MPP7: variants seen among roughly 807,000 people sequenced by gnomAD.
MPP7 encodes MAGUK p55 scaffold protein 7, also known as MAGUK p55 subfamily member 7.
MPP7 carries 60 observed loss-of-function variants against 76.5 expected under a neutral mutation model. The ratio of observed to expected loss-of-function variants is 0.78; its 90% CI spans 0.64 to 0.97. MPP7 has a LOEUF of 0.97. Ranked by LOEUF, MPP7 falls within the 50% of genes least tolerant of loss-of-function variation. The pLI is 0.00. For synonymous variants in MPP7, 237 were observed against 244.5 expected (o/e 0.97, Z 0.29); for missense variants, 641 against 694.0 (o/e 0.92, Z 0.86).
At chr10:28,110,148 T>A (rs1190722417) in intron 11 of MPP7, among the ~76,000 whole-genome samples, 2 of 151,578 alleles carry the variant, frequency 1.3e-5, no homozygotes, top group Non-Finnish European at 2.9e-5. Flanking sequence ...TGGAGTGCAA[T>A]GGTGCAATCT....
intron 2 of MPP7, among the ~76,000 whole-genome samples, chr10:28,216,212 T>TA (rs1301087970): frequency 0.012 from 1,641 of 142,532 alleles, 28 homozygotes; most frequent in African/African-American, 0.035. Context: ...ACCCCGTTTC[T>TA]AAAAAAAAAA....
rs564052435 is a variant in MPP7, at chr10:28,109,108, C to T, written c.952+10543G>A. Among the ~76,000 whole-genome samples, 11 of 152,064 alleles carry T rather than the reference C, an allele frequency of 7.2e-5. No individual in the cohort carries two copies. The South Asian group carries it at 8.3e-4, about 12-fold the overall frequency. ...TTTGAGACCAGCCTGGCCAACATGGCGAAACCCTGTCTCTACTAAAAATAC... is the reference window on the plus strand; with the variant it reads ...TTTGAGACCAGCCTGGCCAACATGGTGAAACCCTGTCTCTACTAAAAATAC... On this transcript the variant is annotated intron_variant, in intron 11 of 16. Coordinates refer to ENST00000683449, the MANE Select transcript of MPP7 (RefSeq NM_001318170.2).
In MPP7 at chr10:28,266,455, G is replaced by C. The variant is rs80272335; in HGVS notation, c.-131-27720C>G. 9.9e-5 allele frequency among the ~76,000 whole-genome samples: 15 copies of C among 152,246 alleles called. No homozygotes were observed. The East Asian group carries it at 2.9e-3, about 29-fold the overall frequency. On this transcript the variant is annotated intron_variant, in intron 1 of 16. Coordinates refer to ENST00000683449, the MANE Select transcript of MPP7 (RefSeq NM_001318170.2). Reference sequence around the variant, plus strand: ...CATATAGTTTTGCCATGAAGAATTAGAAAAAGTTAACATATGAGGCAGAAG... The same window carrying C: ...CATATAGTTTTGCCATGAAGAATTACAAAAAGTTAACATATGAGGCAGAAG...
In MPP7 at chr10:28,119,680, T is replaced by C. The variant is rs1479723806; in HGVS notation, c.923A>G (p.Gln308Arg). 4.3e-6 allele frequency: 7 copies of C among 1,613,630 alleles called. No individual in the cohort carries two copies. In the Admixed American group the frequency reaches 1.2e-4, roughly 27 times the overall value. The change falls in exon 11 of 17, where the codon CAG becomes CGG. Residue 308 changes from glutamine to arginine, a missense_variant. By Grantham distance (43) the Gln-to-Arg change is conservative (BLOSUM62 1). Coordinates refer to ENST00000683449, the MANE Select transcript of MPP7 (RefSeq NM_001318170.2). ...LALRRPEILVQPLKVSNRKSS... is the reference protein window; with the variant it reads ...LALRRPEILVRPLKVSNRKSS... Reference sequence around the variant, plus strand: ...TTTCCTGTTGGAAACTTTCAGGGGCTGAACCAATATTTCTGGTCGTCTCAA... The same window carrying C: ...TTTCCTGTTGGAAACTTTCAGGGGCCGAACCAATATTTCTGGTCGTCTCAA...
chr10:28,124,374 A>T (rs1834942081), intron 7 of MPP7, among the ~76,000 whole-genome samples: 1 of 151,612 alleles, frequency 6.6e-6, no homozygotes. Context: ...CTGATATCTT[A>T]TACTAATATA....
intron 1 of MPP7, among the ~76,000 whole-genome samples, chr10:28,270,547 A>T (rs955560171): frequency 7.8e-5 from 1 of 12,776 alleles, no homozygotes; most frequent in Admixed American, 8.7e-4. Context: ...GGGGGGGAGG[A>T]GGGGAGCTGG....
chr10:28,268,465 C>T (rs1409489558), intron 1 of MPP7, among the ~76,000 whole-genome samples: 1 of 152,100 alleles, frequency 6.6e-6, no homozygotes, highest in East Asian at 1.9e-4. Flanking sequence ...GGCGCGGTGG[C>T]TCATGCCTGT....
chr10:28,291,943 G>A (rs1028150803), intron 1 of MPP7, among the ~76,000 whole-genome samples: 1 of 152,146 alleles, frequency 6.6e-6, no homozygotes, highest in Admixed American at 6.6e-5. Context: ...TCATGCCCTA[G>A]GCCTTCACAT....
At chr10:28,318,120 C>T (rs929390383) in intron 2 of MPP7, among the ~76,000 whole-genome samples, 23 of 152,172 alleles carry the variant, frequency 1.5e-4, no homozygotes, top group Non-Finnish European at 2.9e-4. Flanking sequence ...CCCAAAAGAG[C>T]GGGCATTCCA....
At chr10:28,301,742 T>C (rs932793655) in intron 1 of MPP7, among the ~76,000 whole-genome samples, 7 of 152,172 alleles carry the variant, frequency 4.6e-5, no homozygotes, top group Non-Finnish European at 7.3e-5. Flanking sequence ...ATATAATTGA[T>C]AGAGTGCTAT....
At chr10:28,099,863 G>T (rs1462769999) in intron 11 of MPP7, among the ~76,000 whole-genome samples, 2 of 151,596 alleles carry the variant, frequency 1.3e-5, no homozygotes, top group Non-Finnish European at 2.9e-5. Context: ...GAATACATTT[G>T]TTTGATACAA....
At chr10:28,224,944 A>G (rs1337014476) in intron 2 of MPP7, among the ~76,000 whole-genome samples, 1 of 152,218 alleles carries the variant, frequency 6.6e-6, no homozygotes, top group African/African-American at 2.4e-5. Flanking sequence ...CTGTCAGTTG[A>G]GAAATTCTGT....
At chr10:28,117,544 C>T (rs1371417711) in intron 11 of MPP7, among the ~76,000 whole-genome samples, 1 of 151,976 alleles carries the variant, frequency 6.6e-6, no homozygotes, top group Non-Finnish European at 1.5e-5. Context: ...ACCCTAAGTA[C>T]CAAATATTGA....
chr10:28,311,564 G>A (rs530302602), intron 2 of MPP7, among the ~76,000 whole-genome samples: 59 of 148,894 alleles, frequency 4.0e-4, no homozygotes, highest in Non-Finnish European at 6.8e-4. Context: ...AGTTGTGTCC[G>A]GTAATATATA....
chr10:28,129,498 G>C (rs941473669), intron 6 of MPP7, among the ~76,000 whole-genome samples: 6 of 150,978 alleles, frequency 4.0e-5, no homozygotes, highest in African/African-American at 1.2e-4. Flanking sequence ...ATCTCCTATA[G>C]AATTGCTTGA....
At chr10:28,178,813 C>G (rs1371660163) in intron 3 of MPP7, among the ~76,000 whole-genome samples, 1 of 151,996 alleles carries the variant, frequency 6.6e-6, no homozygotes, top group Non-Finnish European at 1.5e-5. Flanking sequence ...TATAGTGTAT[C>G]CATGGAATGA....
At chr10:28,283,067 C>T (rs1840717099) in intron 1 of MPP7, among the ~76,000 whole-genome samples, 4 of 151,956 alleles carry the variant, frequency 2.6e-5, no homozygotes, top group Non-Finnish European at 5.9e-5. Flanking sequence ...TTCAATGTGA[C>T]CCAGTCTTCT....
At chr10:28,154,352 G>A (rs1835981167) in intron 3 of MPP7, among the ~76,000 whole-genome samples, 1 of 152,078 alleles carries the variant, frequency 6.6e-6, no homozygotes, top group African/African-American at 2.4e-5. Flanking sequence ...AAACTTGGAG[G>A]CTGTACCTTT....
intron 11 of MPP7, among the ~76,000 whole-genome samples, chr10:28,112,288 T>C (rs1834528984): frequency 6.6e-6 from 1 of 152,176 alleles, no homozygotes; most frequent in Non-Finnish European, 1.5e-5. Flanking sequence ...CATTATAAAG[T>C]GGGTTGTTAA....
Sources: allele counts gnomAD v4.1 joint callset (sites outside exome capture counted in the v4.1 genomes callset), GRCh38; gene constraint gnomAD v4.1.1; transcripts MANE v1.5; gene names NCBI Gene and HGNC (gene_info 2026-07-23, HGNC 2026-07-21).